CDH18: variants seen among roughly 807,000 people sequenced by gnomAD.
CDH18 encodes the protein cadherin-18.
CDH18 carries 31 observed loss-of-function variants against 67.9 expected under a neutral mutation model. The observed-to-expected ratio is 0.46, with a 90% CI of 0.34 to 0.62. The LOEUF (loss-of-function observed/expected upper bound fraction) is 0.62. Ranked by LOEUF, CDH18 falls within the 20% of genes least tolerant of loss-of-function variation. The pLI is 0.01. For missense variants in CDH18, 890 were observed against 975.5 expected, an observed-to-expected ratio of 0.91 and a Z score of 1.17; for synonymous variants, 362 against 347.2, an observed-to-expected ratio of 1.04 and a Z score of -0.48.
chr5:20,042,878 C>T (rs770801495), intron 2 of CDH18, among the ~76,000 whole-genome samples: 1 of 151,942 alleles, frequency 6.6e-6, no homozygotes, highest in Non-Finnish European at 1.5e-5. Context: ...AGGAGAATGG[C>T]GTGAACCCGG....
intron 1 of CDH18, among the ~76,000 whole-genome samples, chr5:20,312,951 G>A (rs1737127326): frequency 6.6e-6 from 1 of 151,588 alleles, no homozygotes; most frequent in South Asian, 2.1e-4. Context: ...ATGAATAATT[G>A]TAATCTGCAG....
chr5:19,704,893 C>G (rs1201674295), intron 5 of CDH18, among the ~76,000 whole-genome samples: 1 of 152,162 alleles, frequency 6.6e-6, no homozygotes, highest in Admixed American at 6.5e-5. Flanking sequence ...GGATTGCCTT[C>G]TCCTGTTATA....
intron 1 of CDH18, among the ~76,000 whole-genome samples, chr5:20,434,612 G>A (rs1274111314): frequency 6.6e-6 from 1 of 151,872 alleles, no homozygotes; most frequent in African/African-American, 2.4e-5. Context: ...TGGCATTTTG[G>A]AACTGTCAAA....
intron 1 of CDH18, among the ~76,000 whole-genome samples, chr5:20,383,319 T>C (rs1744065409): frequency 6.6e-6 from 1 of 152,162 alleles, no homozygotes; most frequent in African/African-American, 2.4e-5. Context: ...ATTGAAGTAC[T>C]TTAAAATTAA....
At chr5:20,137,530 T>C (rs1417678033) in intron 2 of CDH18, among the ~76,000 whole-genome samples, 1 of 152,070 alleles carries the variant, frequency 6.6e-6, no homozygotes, top group Non-Finnish European at 1.5e-5. Context: ...GGTTCGAAAA[T>C]CCTCCTTTAG....
At chr5:20,358,728 A>T (rs1741831250) in intron 1 of CDH18, among the ~76,000 whole-genome samples, 2 of 152,154 alleles carry the variant, frequency 1.3e-5, no homozygotes, top group Admixed American at 1.3e-4. Context: ...TTTAAAATGG[A>T]TGCAGCAGAT....
chr5:20,468,622 G>A (rs1423466171), intron 1 of CDH18, among the ~76,000 whole-genome samples: 1 of 152,066 alleles, frequency 6.6e-6, no homozygotes, highest in African/African-American at 2.4e-5. Flanking sequence ...CCTTTGTAAA[G>A]TATTTTCTAG....
intron 2 of CDH18, among the ~76,000 whole-genome samples, chr5:20,179,216 C>A (rs575476366): frequency 2.6e-5 from 4 of 152,226 alleles, no homozygotes; most frequent in South Asian, 2.1e-4. Flanking sequence ...TATGAAGAAG[C>A]TTCCATGAAT....
At chr5:19,556,916 A>C (rs943966369) in intron 8 of CDH18, among the ~76,000 whole-genome samples, 5 of 152,144 alleles carry the variant, frequency 3.3e-5, no homozygotes, top group Non-Finnish European at 7.4e-5. Context: ...ATAAAGGAAA[A>C]CGTATCAGAT....
intron 1 of CDH18, among the ~76,000 whole-genome samples, chr5:20,563,120 T>C (rs896942185): frequency 2.6e-5 from 4 of 151,952 alleles, no homozygotes; most frequent in African/African-American, 7.2e-5. Context: ...CTAGGAGTTA[T>C]AACATGACAG....
At chr5:20,181,793 A>G (rs1480382813) in intron 2 of CDH18, among the ~76,000 whole-genome samples, 1 of 152,120 alleles carries the variant, frequency 6.6e-6, no homozygotes, top group African/African-American at 2.4e-5. Flanking sequence ...TAAGCATGCT[A>G]TCAGGCAGTG....
intron 5 of CDH18, among the ~76,000 whole-genome samples, chr5:19,717,882 A>G (rs1253708418): frequency 2.0e-5 from 3 of 152,022 alleles, no homozygotes; most frequent in African/African-American, 7.2e-5. Flanking sequence ...TACCTTTTAA[A>G]TGGTAGTTAA....
rs1749854093 is a variant in CDH18, at chr5:20,137,656, G to C, written c.-518+117788C>G. Among the ~76,000 whole-genome samples, 3 of 152,082 alleles carry C rather than the reference G, an allele frequency of 2.0e-5. No individual in the cohort carries two copies. In the South Asian group the frequency reaches 6.2e-4, roughly 31 times the overall value. ...CAAGGAGCTGCATTCCTCTGGAGGA[G>C]AAGAGGCACTCTGATTTTTGGAATT... On this transcript the variant is annotated intron_variant, in intron 2 of 14. Transcript: ENST00000507958.
chr5:19,530,288 C>G (rs1748386817), intron 9 of CDH18, among the ~76,000 whole-genome samples: 1 of 151,364 alleles, frequency 6.6e-6, no homozygotes, highest in African/African-American at 2.4e-5. Flanking sequence ...CAAAGGAAAC[C>G]ATAGATATAA....
intron 10 of CDH18, among the ~76,000 whole-genome samples, chr5:19,517,920 C>G (rs183693095): frequency 8.0e-4 from 122 of 151,852 alleles, no homozygotes; most frequent in African/African-American, 2.8e-3. Flanking sequence ...TGCACTATGT[C>G]TAAGCTGCTG....
intron 2 of CDH18, among the ~76,000 whole-genome samples, chr5:19,908,423 A>C (rs1156904471): frequency 2.6e-5 from 4 of 152,104 alleles, no homozygotes; most frequent in Non-Finnish European, 4.4e-5. Context: ...GTTAGATAGG[A>C]GGGAGGAAAA....
At chr5:20,574,357 T>TA (rs1172922829) in intron 1 of CDH18, among the ~76,000 whole-genome samples, 2 of 151,960 alleles carry the variant, frequency 1.3e-5, no homozygotes, top group African/African-American at 4.8e-5. Flanking sequence ...TTGAACAACA[T>TA]ATTAAAAAGT....
intron 2 of CDH18, among the ~76,000 whole-genome samples, chr5:20,181,576 T>G (rs932002476): frequency 1.3e-5 from 2 of 152,126 alleles, no homozygotes; most frequent in Non-Finnish European, 2.9e-5. Flanking sequence ...AAATTAGTCT[T>G]GCTTCGAACT....
At chr5:19,496,000 C>T (rs1004309782) in intron 11 of CDH18, among the ~76,000 whole-genome samples, 1 of 151,996 alleles carries the variant, frequency 6.6e-6, no homozygotes, top group Non-Finnish European at 1.5e-5. Context: ...CTGATTTTCC[C>T]TAAAGACATT....
Sources: gnomAD v4.1 joint callset for allele counts (sites outside exome capture counted in the v4.1 genomes callset) on GRCh38, gnomAD v4.1.1 for gene constraint, MANE v1.5 for transcripts, NCBI Gene and HGNC (gene_info 2026-07-23, HGNC 2026-07-21) for gene names.